The following KLRG1 variants were observed in gnomAD, a reference collection of about 807,000 sequenced individuals.
KLRG1 encodes the protein killer cell lectin-like receptor subfamily G member 1.
Under a neutral mutation model 21.8 loss-of-function variants are expected in KLRG1, and 16 were observed. The observed-to-expected ratio is 0.73, with a 90% CI of 0.50 to 1.11. The LOEUF (loss-of-function observed/expected upper bound fraction) is 1.11, where lower values mean the gene tolerates loss of function less well. Ranked by LOEUF, KLRG1 falls within the 50% of genes most tolerant of loss-of-function variation. The pLI is 0.00. For synonymous variants in KLRG1, 69 were observed against 75.9 expected, an observed-to-expected ratio of 0.91 and a Z score of 0.47; for missense variants, 173 against 218.3, an observed-to-expected ratio of 0.79 and a Z score of 1.31.
intron 1 of KLRG1, among the ~76,000 whole-genome samples, chr12:8,965,992 A>G (rs1202440154): frequency 2.6e-5 from 4 of 152,322 alleles, no homozygotes; most frequent in East Asian, 1.9e-4. Context: ...AAACAGAGAT[A>G]TAGACCAATG....
At chr12:9,006,374 G>A (rs983156359) in intron 3 of KLRG1, among the ~76,000 whole-genome samples, 16 of 152,114 alleles carry the variant, frequency 1.1e-4, no homozygotes, top group Admixed American at 2.6e-4. Context: ...TAGAAATCTC[G>A]GGTAAGATAT....
the KLRG1 span, among the ~76,000 whole-genome samples, chr12:9,133,556 C>T: frequency 6.6e-6 from 1 of 152,310 alleles, no homozygotes; most frequent in East Asian, 1.9e-4. Flanking sequence ...CTTCCCTGAA[C>T]ATCCAGGGAG....
the KLRG1 span, among the ~76,000 whole-genome samples, chr12:9,145,391 T>C: frequency 1.3e-5 from 2 of 152,232 alleles, no homozygotes; most frequent in South Asian, 2.1e-4. Flanking sequence ...CTTGTAGTTA[T>C]AGCAGTCTGT....
chr12:9,192,725 A>G, the KLRG1 span: 1 of 1,609,914 alleles, frequency 6.2e-7, no homozygotes, highest in Non-Finnish European at 8.5e-7. Flanking sequence ...ACAAGTTGGG[A>G]TGCACAGTGA....
the KLRG1 span, chr12:9,068,782 G>A: frequency 3.7e-6 from 6 of 1,609,332 alleles, no homozygotes; most frequent in Non-Finnish European, 4.2e-6. Context: ...GCTGGTTTCA[G>A]ATCTCTTACT....
At chr12:9,123,031 T>G in the KLRG1 span, among the ~76,000 whole-genome samples, 4 of 152,198 alleles carry the variant, frequency 2.6e-5, no homozygotes, top group African/African-American at 9.6e-5. Context: ...TAACATATTT[T>G]AACTTTTATT....
the KLRG1 span, among the ~76,000 whole-genome samples, chr12:9,094,343 A>ATG: frequency 1.4e-5 from 1 of 72,502 alleles, no homozygotes; most frequent in Non-Finnish European, 3.1e-5. Context: ...AATTGTGCAT[A>ATG]TATATATATA....
the KLRG1 span, among the ~76,000 whole-genome samples, chr12:9,190,475 C>T: frequency 1.3e-5 from 2 of 152,006 alleles, no homozygotes; most frequent in Admixed American, 6.6e-5. Flanking sequence ...AAGAGGACAA[C>T]ACACAGTGGG....
the KLRG1 span, chr12:9,077,939 T>G: frequency 6.5e-7 from 1 of 1,549,640 alleles, no homozygotes; most frequent in South Asian, 1.1e-5. Flanking sequence ...CTTCATATGA[T>G]GTGAGTTAGC....
At chr12:9,152,270 C>T in the KLRG1 span, 2 of 1,613,214 alleles carry the variant, frequency 1.2e-6, no homozygotes, top group Non-Finnish European at 1.7e-6. Flanking sequence ...ATCTTTACAT[C>T]AACAATCACC....
the KLRG1 span, among the ~76,000 whole-genome samples, chr12:9,182,936 G>C: frequency 6.6e-6 from 1 of 152,126 alleles, no homozygotes; most frequent in South Asian, 2.1e-4. Context: ...TCCTGTCCCA[G>C]ATTCCCAGCT....
chr12:8,960,985 A>G (rs11048264), intron 1 of KLRG1, among the ~76,000 whole-genome samples: 58,406 of 151,944 alleles, frequency 0.38, 11,943 homozygotes, highest in Middle Eastern at 0.47. Flanking sequence ...GATACCAAGA[A>G]TGTCATCTCC....
At chr12:9,036,887 T>A in the KLRG1 span, 1 of 375,672 alleles carries the variant, frequency 2.7e-6, no homozygotes, top group Non-Finnish European at 5.3e-6. Flanking sequence ...ATAACTGTAG[T>A]GGGCTACCGG....
At chr12:9,053,396 A>G in the KLRG1 span, among the ~76,000 whole-genome samples, 3 of 152,228 alleles carry the variant, frequency 2.0e-5, no homozygotes, top group African/African-American at 4.8e-5. Flanking sequence ...TGTGAAGTAG[A>G]TGATAATCAT....
chr12:8,955,901 A>T (rs1946284029), intron 1 of KLRG1, among the ~76,000 whole-genome samples: 1 of 152,030 alleles, frequency 6.6e-6, no homozygotes, highest in African/African-American at 2.4e-5. Flanking sequence ...GACCCAAGTG[A>T]GAACTCCCGC....
chr12:9,207,942 A>G, the KLRG1 span, among the ~76,000 whole-genome samples: 2 of 152,208 alleles, frequency 1.3e-5, no homozygotes, highest in Admixed American at 6.5e-5. Flanking sequence ...GCACTTCACT[A>G]TATATTTCGA....
chr12:9,157,118 C>T, the KLRG1 span: 1 of 1,532,040 alleles, frequency 6.5e-7, no homozygotes, highest in Non-Finnish European at 8.9e-7. Flanking sequence ...GTGTGCTGTT[C>T]CCCTCCCTGT....
At chr12:9,151,320 G>A in the KLRG1 span, among the ~76,000 whole-genome samples, 4 of 151,740 alleles carry the variant, frequency 2.6e-5, no homozygotes. Context: ...CAGGGAGTGG[G>A]GCCTTTAAAA....
chr12:8,998,403 A>G (rs936822049), intron 3 of KLRG1, among the ~76,000 whole-genome samples: 1 of 151,510 alleles, frequency 6.6e-6, no homozygotes, highest in Admixed American at 6.6e-5. Flanking sequence ...TTTAAATTCT[A>G]CTCCAGTGGG....
Sources: gnomAD v4.1 joint callset for allele counts (sites outside exome capture counted in the v4.1 genomes callset) on GRCh38, gnomAD v4.1.1 for gene constraint, MANE v1.5 for transcripts, NCBI Gene and HGNC (gene_info 2026-07-23, HGNC 2026-07-21) for gene names.